Variants in FBLIM1 observed in about 807,000 individuals in gnomAD.
FBLIM1 encodes the protein filamin-binding LIM protein 1.
A neutral mutation model predicts 37.4 loss-of-function variants in FBLIM1; 29 were observed. That is an observed-to-expected ratio of 0.77 (90% CI 0.58 to 1.06). The LOEUF (loss-of-function observed/expected upper bound fraction) is 1.06. FBLIM1 is among the 50% of genes least tolerant of loss of function. FBLIM1 has a pLI of 0.00. For synonymous variants in FBLIM1, 193 were observed against 199.0 expected (o/e 0.97, Z 0.25); for missense variants, 449 against 505.6 (o/e 0.89, Z 1.07).
Position 15,768,560 on chromosome 1 carries a change from T to C in FBLIM1, c.471T>C (p.Gly157=), listed in dbSNP as rs2069041211. 3.1e-6 allele frequency: 5 copies of C among 1,608,322 alleles called. No individual in the cohort carries two copies. In the East Asian group the frequency reaches 1.1e-4, roughly 36 times the overall value. Residue 157 remains glycine, a synonymous_variant, in exon 5 of 9, where the codon GGT becomes GGC. Coordinates refer to ENST00000375766, the MANE Select transcript of FBLIM1 (RefSeq NM_017556.4). ...CGGAGGGACCTTCAGTCCAGCCCGGTCCCCTCAGGCCCATGGAGGAAGAGC... is the reference window on the plus strand; with the variant it reads ...CGGAGGGACCTTCAGTCCAGCCCGGCCCCCTCAGGCCCATGGAGGAAGAGC... ...APAEGPSVQP[G]PLRPMEEELP... is the part of the protein sequence containing the mutation.
chr1:15,761,990 A>G (rs2148464679), intron 1 of FBLIM1, among the ~76,000 whole-genome samples: 1 of 152,320 alleles, frequency 6.6e-6, no homozygotes, highest in Admixed American at 6.5e-5. Flanking sequence ...CCTTGGCCAC[A>G]GGGACTACTG....
At chr1:15,766,894 T>C (rs1325948703) in intron 3 of FBLIM1, among the ~76,000 whole-genome samples, 1 of 145,548 alleles carries the variant, frequency 6.9e-6, no homozygotes, top group East Asian at 2.0e-4. Flanking sequence ...CACCCGGCTT[T>C]TTTTTTTTTT....
At chr1:15,764,862 G>A (rs1199887884) in intron 2 of FBLIM1, 102 bp from the exon 3 acceptor site, 1 of 1,367,400 alleles carries the variant, frequency 7.3e-7, no homozygotes, top group Non-Finnish European at 9.9e-7. Context: ...ATGGTAGGGT[G>A]GCTGGCCTGT....
At chr1:15,772,725 G>A (rs2069279144) in intron 6 of FBLIM1, among the ~76,000 whole-genome samples, 1 of 152,110 alleles carries the variant, frequency 6.6e-6, no homozygotes, top group Non-Finnish European at 1.5e-5. Context: ...AGGCTGAGGT[G>A]GGAGGATTAC....
Position 15,768,571 on chromosome 1 carries a change from C to A in FBLIM1, c.482C>A (p.Pro161His). ...TCAGTCCAGCCCGGTCCCCTCAGGC[C>A]CATGGAGGAAGAGCTGCCACCTCCC... ...GPSVQPGPLR[P>H]MEEELPPPPA... The change falls in exon 5 of 9, where the codon CCC (proline) becomes CAC (histidine). Residue 161 changes from proline (P) to histidine (H), a missense_variant. Transcript: ENST00000375766. The A allele has an allele frequency of 6.2e-7, 1 of 1,611,698 alleles. No homozygotes were observed. The highest frequency in any genetic ancestry group is 1.7e-5 in the Admixed American group (1 of 59,370).
In FBLIM1 at chr1:15,784,760, A is replaced by T. The variant is rs953585606; in HGVS notation, c.*99A>T. ...CCTGCTCTTGCACACTTTCCTTCTG[A>T]GCCTCCATGGAGACCAGCCTGCAAG... On this transcript the variant is annotated 3_prime_UTR_variant, in exon 9 of 9. Coordinates refer to ENST00000375766, the MANE Select transcript of FBLIM1 (RefSeq NM_017556.4). 8 of 1,076,714 alleles carry T rather than the reference A, an allele frequency of 7.4e-6. No individual in the cohort carries two copies. The Admixed American group carries it at 9.8e-5, about 13-fold the overall frequency. The allele number at this position is 1,076,714 out of a possible 1,614,324, so 66.7% of individuals were successfully genotyped here.
At chr1:15,782,357 A>G (rs1440411984) in intron 8 of FBLIM1, among the ~76,000 whole-genome samples, 1 of 151,314 alleles carries the variant, frequency 6.6e-6, no homozygotes, top group Non-Finnish European at 1.5e-5. Context: ...GCAGTGAGCC[A>G]TGATAATGCC....
At chr1:15,781,156 G>C (rs1217363677) in intron 8 of FBLIM1, among the ~76,000 whole-genome samples, 1 of 151,910 alleles carries the variant, frequency 6.6e-6, no homozygotes, top group Non-Finnish European at 1.5e-5. Flanking sequence ...TCAAGAGATG[G>C]AGACCATCCT....
intron 7 of FBLIM1, among the ~76,000 whole-genome samples, chr1:15,776,218 C>T (rs545712828): frequency 6.6e-5 from 10 of 152,076 alleles, no homozygotes; most frequent in African/African-American, 2.4e-4. Flanking sequence ...GATCGCACCA[C>T]TGCACTCCAG....
Position 15,777,297 on chromosome 1 carries a change from G to A in FBLIM1, c.1008+10G>A, listed in dbSNP as rs774263150. 2.5e-6 allele frequency: 4 copies of A among 1,596,398 alleles called. No homozygotes were observed. The highest frequency in any genetic ancestry group is 2.2e-5 in the East Asian group (1 of 44,626). On this transcript the variant is annotated intron_variant, in intron 8 of 8. Coordinates refer to ENST00000375766, the MANE Select transcript of FBLIM1 (RefSeq NM_017556.4). ...TTGCTACAGGTGTGAGGTGAGTGGA[G>A]CCTAGGTGGTTTAATAACATTCCAT...
At chr1:15,767,902 G>T (rs944286448) in intron 4 of FBLIM1, among the ~76,000 whole-genome samples, 3 of 152,190 alleles carry the variant, frequency 2.0e-5, no homozygotes, top group Admixed American at 2.0e-4. Context: ...GTTTGTTTTT[G>T]AGATGGAGTC....
In FBLIM1 at chr1:15,767,582, C is replaced by A; in HGVS notation, c.438+19C>A. On this transcript the variant is annotated intron_variant, in intron 4 of 8. Transcript: ENST00000375766. ...ACCACAGGTACTGCCTGCCCCCCGA[C>A]CCCCAGCAATCCCTTGGTCCCCTTG... 6.5e-6 allele frequency: 6 copies of A among 921,736 alleles called. No homozygotes were observed. The highest frequency in any genetic ancestry group is 9.4e-6 in the Non-Finnish European group (6 of 635,378). The allele number at this position is 921,736 out of a possible 1,614,324, so 57.1% of individuals were successfully genotyped here.
At chr1:15,783,554 C>G (rs1055546217) in intron 8 of FBLIM1, among the ~76,000 whole-genome samples, 1 of 147,026 alleles carries the variant, frequency 6.8e-6, no homozygotes, top group African/African-American at 2.5e-5. Context: ...GTTCCTGTCT[C>G]GTAGAACTTA....
intron 8 of FBLIM1, among the ~76,000 whole-genome samples, chr1:15,780,595 C>T (rs1237727130): frequency 6.6e-6 from 1 of 152,160 alleles, no homozygotes; most frequent in Non-Finnish European, 1.5e-5. Flanking sequence ...GAAATCCTCT[C>T]CCACCCCTTC....
At chr1:15,772,943 C>G (rs370135284) in intron 6 of FBLIM1, among the ~76,000 whole-genome samples, 1 of 152,160 alleles carries the variant, frequency 6.6e-6, no homozygotes, top group Non-Finnish European at 1.5e-5. Context: ...CACCACCACG[C>G]CCGGCTATTT....
At chr1:15,766,535 G>C (rs1203737434) in intron 3 of FBLIM1, among the ~76,000 whole-genome samples, 1 of 151,904 alleles carries the variant, frequency 6.6e-6, no homozygotes, top group South Asian at 2.1e-4. Context: ...GACCTCAGGT[G>C]ATCTGCCCGC....
intron 1 of FBLIM1, among the ~76,000 whole-genome samples, chr1:15,761,013 C>G (rs536339018): frequency 1.3e-5 from 2 of 152,254 alleles, no homozygotes; most frequent in African/African-American, 4.8e-5. Flanking sequence ...GCAGTCACTG[C>G]TTGGGAGGTA....
In FBLIM1 at chr1:15,765,876, G is replaced by A. The variant is rs962777790; in HGVS notation, c.250+643G>A. Among the ~76,000 whole-genome samples the A allele has an allele frequency of 5.9e-5, 9 of 152,108 alleles. No homozygotes were observed. The highest frequency in any genetic ancestry group is 7.3e-5 in the Non-Finnish European group (5 of 68,028). The stretch of plus-strand genomic sequence containing the variant: ...CATCATAGCCTATGGGCCCTGCACC[G>A]GGAGGCAGGCACTGGGAGAGGCCAC... On this transcript the variant is annotated intron_variant, in intron 3 of 8. Transcript: ENST00000375766. The surrounding 1 kb of genome is among the most constrained non-coding windows in gnomAD (Gnocchi z 5.9).
chr1:15,763,607 G>T (rs186251684), intron 1 of FBLIM1, among the ~76,000 whole-genome samples: 1 of 151,352 alleles, frequency 6.6e-6, no homozygotes, highest in Non-Finnish European at 1.5e-5. Context: ...CTGCACTCCG[G>T]CCTGGGCAAC....
Sources: gnomAD v4.1 joint callset for allele counts (sites outside exome capture counted in the v4.1 genomes callset) on GRCh38, gnomAD v4.1.1 for gene constraint, Gnocchi (gnomAD v3.1) non-coding constraint, MANE v1.5 for transcripts, NCBI Gene and HGNC (gene_info 2026-07-23, HGNC 2026-07-21) for gene names.